The following UBR2 variants were observed in gnomAD, a reference collection of about 807,000 sequenced individuals.
UBR2 encodes the protein ubiquitin protein ligase E3 component n-recognin 2.
A neutral mutation model predicts 247.9 loss-of-function variants in UBR2; 92 were observed. The ratio of observed to expected loss-of-function variants is 0.37; its 90% CI spans 0.31 to 0.44. The LOEUF (loss-of-function observed/expected upper bound fraction) is 0.44, where lower values mean the gene tolerates loss of function less well. Ranked by LOEUF, UBR2 falls within the 20% of genes least tolerant of loss-of-function variation. The pLI is 1.00. For missense variants in UBR2, 1,613 were observed against 2,112.6 expected (o/e 0.76, Z 4.64); for synonymous variants, 672 against 693.5 (o/e 0.97, Z 0.49).
At chr6:42,636,410 C>T (rs1263607129) in intron 14 of UBR2, among the ~76,000 whole-genome samples, 1 of 152,052 alleles carries the variant, frequency 6.6e-6, no homozygotes, top group African/African-American at 2.4e-5. Context: ...AATTCCTGGG[C>T]TCAAGCGATC....
At chr6:42,592,305 C>A in intron 3 of UBR2, 76 bp downstream of exon 3, 1 of 1,208,546 alleles carries the variant, frequency 8.3e-7, no homozygotes. Context: ...TTTCAAAATG[C>A]AAAGATTTAA....
At chr6:42,630,463 A>G (rs916847002) in intron 11 of UBR2, among the ~76,000 whole-genome samples, 1 of 151,522 alleles carries the variant, frequency 6.6e-6, no homozygotes, top group Admixed American at 6.6e-5. Context: ...GATAACAGGC[A>G]TAAGCCACTG....
At chr6:42,576,655 G>A (rs982619189) in intron 2 of UBR2, among the ~76,000 whole-genome samples, 8 of 149,856 alleles carry the variant, frequency 5.3e-5, no homozygotes, top group East Asian at 2.0e-4. Flanking sequence ...TCTGCCTCCC[G>A]AGTAGATGGG....
chr6:42,675,941 A>C (rs932781778), intron 38 of UBR2, 115 bp from the exon 39 acceptor site: 75 of 1,427,568 alleles, frequency 5.3e-5, no homozygotes, highest in South Asian at 8.9e-5. Context: ...TGGGCAACAG[A>C]GTAAGACTCT....
chr6:42,652,383 G>A (rs758138998), intron 24 of UBR2, 108 bp from the exon 25 acceptor site: 431 of 1,259,062 alleles, frequency 3.4e-4, no homozygotes, highest in Non-Finnish European at 4.6e-4. Flanking sequence ...TAGCTTTAAG[G>A]TGTGTGTTAA....
intron 42 of UBR2, among the ~76,000 whole-genome samples, chr6:42,680,562 T>C (rs1362395814): frequency 6.6e-6 from 1 of 152,150 alleles, no homozygotes; most frequent in Non-Finnish European, 1.5e-5. Flanking sequence ...TGCAGGCACA[T>C]GCCATCACAC....
At chr6:42,644,566 A>G in intron 20 of UBR2, 30 bp downstream of exon 20, 1 of 1,579,194 alleles carries the variant, frequency 6.3e-7, no homozygotes, top group Middle Eastern at 2.1e-4. Flanking sequence ...GGCATTTAAT[A>G]AATTACACTG....
intron 36 of UBR2, among the ~76,000 whole-genome samples, chr6:42,673,447 G>A (rs1017476724): frequency 2.6e-5 from 4 of 152,130 alleles, no homozygotes; most frequent in South Asian, 2.1e-4. Context: ...TCAGCCTCTC[G>A]AGTAGCTGGG....
chr6:42,652,410 T>TA, intron 24 of UBR2, 81 bp from the exon 25 acceptor site: 1 of 1,448,706 alleles, frequency 6.9e-7, no homozygotes, highest in Non-Finnish European at 9.3e-7. Flanking sequence ...TTCTTTGAGT[T>TA]AAAACTATCA....
chr6:42,645,139 T>G (rs1409921992), intron 20 of UBR2, among the ~76,000 whole-genome samples: 1 of 152,118 alleles, frequency 6.6e-6, no homozygotes, highest in Non-Finnish European at 1.5e-5. Context: ...AGGAAGGCTC[T>G]CTCTCCTTGC....
intron 36 of UBR2, 121 bp downstream of exon 36, chr6:42,670,836 C>T: frequency 1.5e-6 from 1 of 676,536 alleles, no homozygotes; most frequent in Non-Finnish European, 2.4e-6. Context: ...TAGTAAAAAC[C>T]CATTTTCTGT....
intron 5 of UBR2, among the ~76,000 whole-genome samples, chr6:42,604,970 T>C (rs1240673346): frequency 4.6e-5 from 7 of 151,684 alleles, no homozygotes; most frequent in Admixed American, 4.6e-4. Context: ...GAGGCTGCAG[T>C]GAGCCAAGAT....
intron 18 of UBR2, 144 bp from the exon 19 acceptor site, chr6:42,644,070 C>G: frequency 1.3e-6 from 1 of 796,856 alleles, no homozygotes; most frequent in South Asian, 1.9e-5. Flanking sequence ...GGGTTTTCAT[C>G]TTTTATTGGG....
chr6:42,579,348 A>G (rs2151907594), intron 2 of UBR2, among the ~76,000 whole-genome samples: 1 of 152,284 alleles, frequency 6.6e-6, no homozygotes, highest in Admixed American at 6.5e-5. Context: ...TAAACTGTTC[A>G]TGAGAAATCC....
intron 23 of UBR2, 53 bp from the exon 24 acceptor site, chr6:42,651,970 T>C (rs1198534134): frequency 2.0e-6 from 3 of 1,501,076 alleles, no homozygotes; most frequent in Middle Eastern, 1.8e-4. Context: ...ATTAACCAGG[T>C]GTGGTGGTGG....
chr6:42,598,583 G>A (rs1031321794), intron 4 of UBR2, among the ~76,000 whole-genome samples: 21 of 152,190 alleles, frequency 1.4e-4, no homozygotes, highest in African/African-American at 4.6e-4. Context: ...GTGGGAGTGA[G>A]TAGGGAGGGT....
intron 41 of UBR2, 89 bp from the exon 42 acceptor site, chr6:42,679,634 CT>C (rs533061865): frequency 1.4e-3 from 1,320 of 942,494 alleles, no homozygotes; most frequent in Admixed American, 1.7e-3. Context: ...GTCTTTCATC[CT>C]TTTTTTTTAA....
intron 32 of UBR2, among the ~76,000 whole-genome samples, chr6:42,665,078 G>A (rs534730545): frequency 6.6e-6 from 1 of 152,274 alleles, no homozygotes; most frequent in East Asian, 1.9e-4. Flanking sequence ...GATATTTACA[G>A]TAAAATTCCT....
intron 4 of UBR2, among the ~76,000 whole-genome samples, chr6:42,598,046 C>T (rs1283228381): frequency 6.6e-6 from 1 of 152,060 alleles, no homozygotes; most frequent in Non-Finnish European, 1.5e-5. Context: ...TCCGAAAAAG[C>T]TGGGGGAAAC....
Sources: gnomAD v4.1 joint callset for allele counts (sites outside exome capture counted in the v4.1 genomes callset) on GRCh38, gnomAD v4.1.1 for gene constraint, MANE v1.5 for transcripts, NCBI Gene and HGNC (gene_info 2026-07-23, HGNC 2026-07-21) for gene names.